SGCZ: variants seen among roughly 807,000 people sequenced by gnomAD.
The protein encoded by SGCZ is zeta-sarcoglycan.
SGCZ carries 40 observed loss-of-function variants against 41.3 expected under a neutral mutation model. The ratio of observed to expected loss-of-function variants is 0.97; its 90% CI spans 0.75 to 1.26. The LOEUF (loss-of-function observed/expected upper bound fraction) is 1.26, where lower values mean the gene tolerates loss of function less well. Ranked by LOEUF, SGCZ falls within the 50% of genes most tolerant of loss-of-function variation. The pLI is 0.00. For missense variants in SGCZ, 552 were observed against 369.8 expected (o/e 1.49, Z -4.04); for synonymous variants, 206 against 137.5 (o/e 1.50, Z -3.49).
At chr8:14,816,296 C>A (rs1360944742) in intron 1 of SGCZ, among the ~76,000 whole-genome samples, 1 of 152,188 alleles carries the variant, frequency 6.6e-6, no homozygotes, top group African/African-American at 2.4e-5. Flanking sequence ...GTTCTATGCT[C>A]TGATGAGGCT....
chr8:14,481,030 G>A (rs549306859), intron 2 of SGCZ, among the ~76,000 whole-genome samples: 9 of 151,704 alleles, frequency 5.9e-5, no homozygotes, highest in African/African-American at 2.2e-4. Context: ...AAAATAAAAA[G>A]GCTTCCAACA....
intron 5 of SGCZ, among the ~76,000 whole-genome samples, chr8:14,125,085 G>C (rs1048459150): frequency 6.6e-6 from 1 of 152,120 alleles, no homozygotes; most frequent in Non-Finnish European, 1.5e-5. Flanking sequence ...ACCACTAACA[G>C]GGGATGCGAA....
At chr8:14,747,527 G>A (rs1394579273) in intron 1 of SGCZ, among the ~76,000 whole-genome samples, 1 of 152,050 alleles carries the variant, frequency 6.6e-6, no homozygotes, top group African/African-American at 2.4e-5. Context: ...AAAAAGTTTT[G>A]TGATTATCAA....
intron 1 of SGCZ, among the ~76,000 whole-genome samples, chr8:15,038,090 G>A (rs1283028633): frequency 8.9e-5 from 3 of 33,606 alleles, no homozygotes; most frequent in African/African-American, 1.6e-4. Flanking sequence ...TTTTTAAACA[G>A]AAATATAAAA....
intron 1 of SGCZ, among the ~76,000 whole-genome samples, chr8:14,795,551 T>C (rs1460354329): frequency 6.6e-6 from 1 of 152,158 alleles, no homozygotes; most frequent in Non-Finnish European, 1.5e-5. Flanking sequence ...CAAGGAAGCG[T>C]TCCACCTCAG....
At chr8:14,929,787 T>C (rs1799873850) in intron 1 of SGCZ, among the ~76,000 whole-genome samples, 1 of 152,040 alleles carries the variant, frequency 6.6e-6, no homozygotes, top group Non-Finnish European at 1.5e-5. Flanking sequence ...GATAACACCT[T>C]AACATTAGAA....
At chr8:14,231,026 G>T (rs1806547501) in intron 4 of SGCZ, among the ~76,000 whole-genome samples, 1 of 151,990 alleles carries the variant, frequency 6.6e-6, no homozygotes, top group South Asian at 2.1e-4. Flanking sequence ...AAATTATGTT[G>T]GAGTATATTG....
At chr8:14,824,973 G>T (rs771806511) in intron 1 of SGCZ, among the ~76,000 whole-genome samples, 1 of 151,988 alleles carries the variant, frequency 6.6e-6, no homozygotes, top group Non-Finnish European at 1.5e-5. Context: ...TGTATTACAA[G>T]ACCAACACAT....
In SGCZ at chr8:14,930,754, C is replaced by T. The variant is rs187188533; in HGVS notation, c.39+306831G>A. Among the ~76,000 whole-genome samples, 309 of 152,102 alleles carry T rather than the reference C, an allele frequency of 2.0e-3. 4 individuals carry two copies. The highest frequency in any genetic ancestry group is 7.0e-3 in the African/African-American group (290 of 41,408). ...CACAGGAACAGAAAACTAAACACCC[C>T]ATGTTCTCATTCATAATTGAACAAT... is the stretch of plus-strand genomic sequence containing the variant. On this transcript the variant is annotated intron_variant, in intron 1 of 7. Transcript: ENST00000382080.
intron 1 of SGCZ, among the ~76,000 whole-genome samples, chr8:14,834,937 T>C (rs969018830): frequency 2.0e-5 from 3 of 152,156 alleles, no homozygotes; most frequent in Non-Finnish European, 4.4e-5. Flanking sequence ...TCTTCAGAAC[T>C]ACGATAATGC....
intron 1 of SGCZ, among the ~76,000 whole-genome samples, chr8:14,713,120 G>C (rs1205291124): frequency 6.6e-6 from 1 of 152,106 alleles, no homozygotes; most frequent in Non-Finnish European, 1.5e-5. Context: ...AAATAAATTA[G>C]CTATGATTAG....
At position 14,094,976 on chromosome 8, in the gene SGCZ, TG is replaced by T. The variant is rs1006622870; in HGVS notation, c.745-4340del. On this transcript the variant is annotated intron_variant, in intron 7 of 7. Transcript: ENST00000382080. ...TTCATATCCTTTGCCCACTTTTTGA[TG>T]GTTTTTTTTTCTTGTAACTTTAAGT... Among the ~76,000 whole-genome samples the T allele has an allele frequency of 1.6e-3, 113 of 69,800 alleles. 1 individual carries two copies. Among genetic ancestry groups the T allele is most frequent in the Admixed American group, 5.5e-3 (40 of 7,328 alleles). 45.8% of individuals were successfully genotyped at this position (69,800 alleles called of 152,430 possible). A position where few individuals can be genotyped will look rare whatever the true frequency, so the allele number is the denominator to read the frequency against.
chr8:14,462,716 T>C (rs1417903494), intron 2 of SGCZ, among the ~76,000 whole-genome samples: 3 of 151,654 alleles, frequency 2.0e-5, no homozygotes, highest in Non-Finnish European at 4.4e-5. Flanking sequence ...CAGGACATTC[T>C]ATATAAATTT....
chr8:15,195,730 G>C (rs557463174), intron 1 of SGCZ, among the ~76,000 whole-genome samples: 17 of 152,018 alleles, frequency 1.1e-4, no homozygotes, highest in African/African-American at 4.1e-4. Context: ...TCGGTCTTAC[G>C]ACAACCGATT....
intron 7 of SGCZ, among the ~76,000 whole-genome samples, chr8:14,095,473 G>A (rs1297998106): frequency 1.3e-5 from 2 of 150,408 alleles, no homozygotes; most frequent in Non-Finnish European, 3.0e-5. Flanking sequence ...GTTCTGTTTT[G>A]GTACCAGTAC....
chr8:14,101,655 C>G (rs1042762399), intron 7 of SGCZ, among the ~76,000 whole-genome samples: 1 of 150,982 alleles, frequency 6.6e-6, no homozygotes. Flanking sequence ...CAGGAAATAT[C>G]ATTCCTAAAC....
At chr8:14,845,663 T>C (rs1425241167) in intron 1 of SGCZ, among the ~76,000 whole-genome samples, 1 of 152,152 alleles carries the variant, frequency 6.6e-6, no homozygotes, top group Non-Finnish European at 1.5e-5. Context: ...AAATTGAACT[T>C]TCAGAGATGA....
intron 2 of SGCZ, among the ~76,000 whole-genome samples, chr8:14,451,991 T>C (rs1216003828): frequency 6.6e-6 from 1 of 152,252 alleles, no homozygotes; most frequent in African/African-American, 2.4e-5. Context: ...TTTATACAAA[T>C]GTATTGAAAA....
At chr8:14,703,863 C>T (rs986166800) in intron 1 of SGCZ, among the ~76,000 whole-genome samples, 3 of 151,928 alleles carry the variant, frequency 2.0e-5, no homozygotes, top group Admixed American at 1.3e-4. Flanking sequence ...TAGAAAATTG[C>T]TAATTTAATA....
Sources: gnomAD v4.1 joint callset for allele counts (sites outside exome capture counted in the v4.1 genomes callset) on GRCh38, gnomAD v4.1.1 for gene constraint, MANE v1.5 for transcripts, NCBI Gene and HGNC (gene_info 2026-07-23, HGNC 2026-07-21) for gene names.